Variants in FBXO28 observed in about 807,000 individuals in gnomAD.
FBXO28 encodes the protein F-box protein 28, also known as F-box only protein 28.
Under a neutral mutation model 38.1 loss-of-function variants are expected in FBXO28, and 8 were observed. That is an observed-to-expected ratio of 0.21 (90% CI 0.12 to 0.38). The LOEUF (loss-of-function observed/expected upper bound fraction) is 0.38. Among genes scored for constraint, FBXO28 ranks in the 10% least tolerant of loss-of-function variants. FBXO28 has a pLI of 1.00. For missense variants in FBXO28, 345 were observed against 460.6 expected, an observed-to-expected ratio of 0.75 and a Z score of 2.30; for synonymous variants, 168 against 173.8, an observed-to-expected ratio of 0.97 and a Z score of 0.26.
At chr1:224,118,564 A>G (rs1656699393) in intron 1 of FBXO28, among the ~76,000 whole-genome samples, 1 of 152,218 alleles carries the variant, frequency 6.6e-6, no homozygotes, top group Admixed American at 6.5e-5. Flanking sequence ...TTGTCTCAAG[A>G]TATTTCTCTA....
intron 1 of FBXO28, among the ~76,000 whole-genome samples, chr1:224,115,646 G>C (rs1656626896): frequency 6.6e-6 from 1 of 152,100 alleles, no homozygotes; most frequent in African/African-American, 2.4e-5. Flanking sequence ...TTTCACAATT[G>C]ATTGCCTCTG....
intron 4 of FBXO28, among the ~76,000 whole-genome samples, chr1:224,155,417 G>A (rs767903732): frequency 6.6e-5 from 10 of 151,908 alleles, no homozygotes; most frequent in Non-Finnish European, 1.0e-4. Context: ...CACCTGCCTC[G>A]GCCTCCCAAA....
chr1:224,123,700 A>T (rs982881946), intron 1 of FBXO28, among the ~76,000 whole-genome samples: 1 of 152,206 alleles, frequency 6.6e-6, no homozygotes, highest in Non-Finnish European at 1.5e-5. Context: ...AATGCCGCCA[A>T]TTATAATGCT....
intron 3 of FBXO28, among the ~76,000 whole-genome samples, chr1:224,152,043 A>AT (rs1014362424): frequency 2.7e-5 from 4 of 145,748 alleles, no homozygotes; most frequent in African/African-American, 1.0e-4. Flanking sequence ...CTCCATCTTA[A>AT]AAAAAAAAAA....
chr1:224,130,130 T>A (rs1200995995), intron 1 of FBXO28, among the ~76,000 whole-genome samples: 2 of 152,154 alleles, frequency 1.3e-5, no homozygotes, highest in Non-Finnish European at 2.9e-5. Context: ...TCACTTGAGG[T>A]CAGAAGTTTG....
rs1303299466 is a variant in FBXO28 at position 224,153,172 on chromosome 1, T to TA, written c.548dup (p.Tyr183Ter). ...VIDEIYRVLRYVNSTRAPQRA... is the reference protein window; with the variant it reads ...VIDEIYRVLR ...TGATGAGATTTATCGTGTGTTGAGA[T>TA]ATGTCAATTCTACCAGAGCCCCTCA... is the stretch of plus-strand genomic sequence containing the variant. The change falls in exon 4 of 5, where the codon TAT (tyrosine) becomes TAAT (stop). Residue 183 changes from tyrosine (Y) to a stop codon, truncating the protein, a stop_gained and frameshift_variant. Coordinates refer to ENST00000366862, the MANE Select transcript of FBXO28 (RefSeq NM_015176.4). LOFTEE classifies it high-confidence loss of function. 1.2e-6 allele frequency: 2 copies of TA among 1,607,802 alleles called. No individual in the cohort carries two copies. Among genetic ancestry groups the TA allele is most frequent in the Non-Finnish European group, 1.7e-6 (2 of 1,178,278 alleles).
Position 224,159,500 on chromosome 1 carries a change from GT to G in FBXO28, c.*1757del, listed in dbSNP as rs1485702950. 1 of 152,540 alleles carries G rather than the reference GT, an allele frequency of 6.6e-6. No homozygotes were observed. The highest frequency in any genetic ancestry group is 2.4e-5 in the African/African-American group (1 of 41,416). The allele number at this position is 152,540 out of a possible 1,614,324, so 9.4% of individuals were successfully genotyped here. On this transcript the variant is annotated 3_prime_UTR_variant, in exon 5 of 5. Coordinates refer to ENST00000366862, the MANE Select transcript of FBXO28 (RefSeq NM_015176.4). ...TAAAGTAACATCCAAGTGTTTCATG[GT>G]TTGTTGGGAAGGTAATTTTAAAATA... is the stretch of plus-strand genomic sequence containing the variant.
At chr1:224,156,427 C>T (rs1367532072) in intron 4 of FBXO28, among the ~76,000 whole-genome samples, 1 of 152,128 alleles carries the variant, frequency 6.6e-6, no homozygotes, top group Non-Finnish European at 1.5e-5. Flanking sequence ...ACGATACAGG[C>T]TGAGTATCCC....
chr1:224,115,478 G>A (rs560133687), intron 1 of FBXO28, among the ~76,000 whole-genome samples: 2 of 152,316 alleles, frequency 1.3e-5, no homozygotes, highest in South Asian at 2.1e-4. Flanking sequence ...CCACTTTCAA[G>A]TGGATTATAA....
rs374693414 is a variant in FBXO28, at chr1:224,146,094, C to T, written c.517-7048C>T. Among the ~76,000 whole-genome samples, 104 of 149,372 alleles carry T rather than the reference C, an allele frequency of 7.0e-4. No homozygotes were observed. In the South Asian group the frequency reaches 0.021, roughly 30 times the overall value. On this transcript the variant is annotated intron_variant, in intron 3 of 4. Transcript: ENST00000366862. ...AAAAAAAAAAAAAAAATTATCCGGGCGTGGTGGCACACGCCTGTATTCCCA... is the reference window on the plus strand; with the variant it reads ...AAAAAAAAAAAAAAAATTATCCGGGTGTGGTGGCACACGCCTGTATTCCCA...
In FBXO28 at chr1:224,128,245, AT is replaced by A. The variant is rs34465508; in HGVS notation, c.268-2218del. The stretch of plus-strand genomic sequence containing the variant: ...CATGTCTTTTTTTATTATTATTATT[AT>A]TTTTTTTTATTTTATTTTTTTAACT... On this transcript the variant is annotated intron_variant, in intron 1 of 4. Coordinates refer to ENST00000366862, the MANE Select transcript of FBXO28 (RefSeq NM_015176.4). Among the ~76,000 whole-genome samples, 571 of 148,000 alleles carry A rather than the reference AT, an allele frequency of 3.9e-3. 5 individuals are homozygous for A. Among genetic ancestry groups the A allele is most frequent in the African/African-American group, 0.013 (518 of 40,302 alleles).
intron 1 of FBXO28, among the ~76,000 whole-genome samples, chr1:224,116,367 A>G (rs1056937356): frequency 6.6e-6 from 1 of 152,148 alleles, no homozygotes; most frequent in African/African-American, 2.4e-5. Flanking sequence ...ATTGGCAGTC[A>G]AGAGAGTACC....
At chr1:224,128,946 A>G (rs1656968809) in intron 1 of FBXO28, among the ~76,000 whole-genome samples, 1 of 144,210 alleles carries the variant, frequency 6.9e-6, no homozygotes, top group Non-Finnish European at 1.5e-5. Flanking sequence ...TGATCGTGGC[A>G]CTGCACTTCA....
intron 3 of FBXO28, among the ~76,000 whole-genome samples, chr1:224,152,271 C>A (rs1657665097): frequency 6.6e-6 from 1 of 152,132 alleles, no homozygotes; most frequent in Non-Finnish European, 1.5e-5. Flanking sequence ...TCATTCCAAT[C>A]CGTAACAAGT....
intron 3 of FBXO28, among the ~76,000 whole-genome samples, chr1:224,138,299 A>G (rs565643530): frequency 6.6e-6 from 1 of 151,954 alleles, no homozygotes; most frequent in East Asian, 1.9e-4. Flanking sequence ...TTTTTTTGGT[A>G]AAAGGCCAGT....
intron 3 of FBXO28, among the ~76,000 whole-genome samples, chr1:224,141,302 T>C (rs975157260): frequency 6.6e-6 from 1 of 151,940 alleles, no homozygotes; most frequent in Non-Finnish European, 1.5e-5. Context: ...AAACCCTGTC[T>C]CTAATTAAAA....
chr1:224,139,124 T>C (rs1467920916), intron 3 of FBXO28, among the ~76,000 whole-genome samples: 1 of 151,710 alleles, frequency 6.6e-6, no homozygotes, highest in Non-Finnish European at 1.5e-5. Context: ...CTGGTAAACC[T>C]TTTGTTCTTA....
rs543352806 is a variant in FBXO28, at chr1:224,137,161, A to C, written c.516+2949A>C. 2.6e-5 allele frequency among the ~76,000 whole-genome samples: 4 copies of C among 151,996 alleles called. No individual in the cohort carries two copies. The South Asian group carries it at 8.3e-4, about 31-fold the overall frequency. ...AGTAAGCATTTTATTCACTTAAGTGAATCTGAGTAGTAGCAACATTATAGT... is the reference window on the plus strand; with the variant it reads ...AGTAAGCATTTTATTCACTTAAGTGCATCTGAGTAGTAGCAACATTATAGT... On this transcript the variant is annotated intron_variant, in intron 3 of 4. Transcript: ENST00000366862.
At chr1:224,115,979 A>C (rs2102605943) in intron 1 of FBXO28, among the ~76,000 whole-genome samples, 1 of 152,330 alleles carries the variant, frequency 6.6e-6, no homozygotes, top group East Asian at 1.9e-4. Context: ...CCCACAACTT[A>C]TGAATAAATG....
Sources: allele counts gnomAD v4.1 joint callset (sites outside exome capture counted in the v4.1 genomes callset), GRCh38; gene constraint gnomAD v4.1.1; transcripts MANE v1.5; gene names NCBI Gene and HGNC (gene_info 2026-07-23, HGNC 2026-07-21).